Variants in GREB1L observed in about 807,000 individuals in gnomAD.
GREB1L encodes the protein GREB1 like retinoic acid receptor coactivator.
A neutral mutation model predicts 200.8 loss-of-function variants in GREB1L; 17 were observed. The observed-to-expected ratio is 0.08, with a 90% CI of 0.06 to 0.13. The LOEUF (loss-of-function observed/expected upper bound fraction) is 0.13, where lower values mean the gene tolerates loss of function less well. GREB1L is among the 10% of genes least tolerant of loss of function. GREB1L has a pLI of 1.00. For missense variants in GREB1L, 1,657 were observed against 2,367.7 expected (o/e 0.70, Z 6.23); for synonymous variants, 789 against 893.0 (o/e 0.88, Z 2.08).
intron 1 of GREB1L, among the ~76,000 whole-genome samples, chr18:21,308,081 A>G (rs550534839): frequency 6.6e-6 from 1 of 152,354 alleles, no homozygotes; most frequent in South Asian, 2.1e-4. Flanking sequence ...CATCTGATAC[A>G]AATGACTTAC....
chr18:21,250,628 ATC>A (rs1253090193), intron 1 of GREB1L, among the ~76,000 whole-genome samples: 1 of 152,206 alleles, frequency 6.6e-6, no homozygotes, highest in East Asian at 1.9e-4. Flanking sequence ...TTGGTATAAT[ATC>A]TCTCTGTATT....
chr18:21,366,132 C>T lies in GREB1L; in HGVS notation c.-14C>T, dbSNP rs1598699219. 1 of 152,012 alleles carries T rather than the reference C, an allele frequency of 6.6e-6. No individual in the cohort carries two copies. Among genetic ancestry groups the T allele is most frequent in the Non-Finnish European group, 1.5e-5 (1 of 67,996 alleles). 9.4% of individuals were successfully genotyped at this position (152,012 alleles called of 1,614,324 possible). ...TGATTCAAAAATGTTAATAAATAAA[C>T]CAAGGTATTGTACAATTATATATGA... On this transcript the variant is annotated 5_prime_UTR_variant, in exon 2 of 33. Transcript: ENST00000424526.
intron 1 of GREB1L, among the ~76,000 whole-genome samples, chr18:21,303,814 A>G (rs1254853569): frequency 6.6e-6 from 1 of 152,194 alleles, no homozygotes; most frequent in African/African-American, 2.4e-5. Flanking sequence ...ATATAAGGTC[A>G]TACTTATTGG....
At chr18:21,291,505 CTTGG>C (rs1461039670) in intron 1 of GREB1L, among the ~76,000 whole-genome samples, 2 of 152,152 alleles carry the variant, frequency 1.3e-5, no homozygotes, top group Non-Finnish European at 2.9e-5. Context: ...TAGTGCAGTA[CTTGG>C]TTGGCTGAAT....
rs111906534 is a variant in GREB1L at position 21,399,453 on chromosome 18, TTGGATGGA to T, written c.533-1663_533-1656del. On this transcript the variant is annotated intron_variant, in intron 5 of 32. Transcript: ENST00000424526. Reference sequence around the variant, plus strand: ...GTTGGATGGTTGGATGGATGGATGGTTGGATGGATGGATGGATGGATGGATGGATGGAT... The same window carrying T: ...GTTGGATGGTTGGATGGATGGATGGTTGGATGGATGGATGGATGGATGGAT... Among the ~76,000 whole-genome samples the T allele has an allele frequency of 2.5e-4, 36 of 146,194 alleles. 1 individual carries two copies. The South Asian group carries it at 2.7e-3, about 11-fold the overall frequency.
intron 31 of GREB1L, among the ~76,000 whole-genome samples, chr18:21,519,765 T>C (rs1160044827): frequency 1.3e-5 from 2 of 152,214 alleles, no homozygotes; most frequent in Non-Finnish European, 2.9e-5. Context: ...GGCTACTAAA[T>C]GGAGGAACCA....
chr18:21,374,838 TTTTTCC>T (rs1348155192), intron 2 of GREB1L, among the ~76,000 whole-genome samples: 2 of 150,282 alleles, frequency 1.3e-5, no homozygotes, highest in African/African-American at 2.5e-5. Flanking sequence ...AAGGGGAACT[TTTTTCC>T]TTTTCCTTTT....
chr18:21,450,342 C>G (rs2034458720), intron 12 of GREB1L, among the ~76,000 whole-genome samples: 1 of 152,146 alleles, frequency 6.6e-6, no homozygotes, highest in South Asian at 2.1e-4. Context: ...TTGCACTGTG[C>G]AGATTTTCTA....
chr18:21,468,475 ATGAATAT>A (rs1451897664), intron 15 of GREB1L, among the ~76,000 whole-genome samples: 8 of 152,228 alleles, frequency 5.3e-5, no homozygotes, highest in African/African-American at 1.9e-4. Flanking sequence ...GTCCAACTCC[ATGAATAT>A]ATACTAAAAG....
At chr18:21,280,653 T>C (rs991719741) in intron 1 of GREB1L, among the ~76,000 whole-genome samples, 4 of 152,210 alleles carry the variant, frequency 2.6e-5, no homozygotes, top group African/African-American at 9.6e-5. Context: ...AATAAGTGTT[T>C]AAACACTTTT....
At chr18:21,342,539 C>T (rs2039284468) in intron 1 of GREB1L, among the ~76,000 whole-genome samples, 1 of 152,192 alleles carries the variant, frequency 6.6e-6, no homozygotes, top group African/African-American at 2.4e-5. Flanking sequence ...AATGCAGGCT[C>T]TAGCAATGGC....
intron 7 of GREB1L, among the ~76,000 whole-genome samples, chr18:21,438,499 T>G (rs1470657040): frequency 6.6e-6 from 1 of 151,626 alleles, no homozygotes; most frequent in African/African-American, 2.4e-5. Flanking sequence ...ATGCTCTCTC[T>G]TAAAAAAAAA....
chr18:21,425,077 C>A (rs1397310136), intron 7 of GREB1L, among the ~76,000 whole-genome samples: 4 of 152,078 alleles, frequency 2.6e-5, no homozygotes, highest in Non-Finnish European at 5.9e-5. Context: ...TAAGTTGATA[C>A]AAATCAATTT....
At chr18:21,249,835 G>A (rs2037671693) in intron 1 of GREB1L, among the ~76,000 whole-genome samples, 1 of 151,246 alleles carries the variant, frequency 6.6e-6, no homozygotes, top group African/African-American at 2.4e-5. Context: ...ACTCCAGCCT[G>A]GCAACAAGAG....
In GREB1L at chr18:21,513,801, G is replaced by A. The variant is rs1181502319; in HGVS notation, c.4736-20G>A. The A allele has an allele frequency of 1.9e-6, 3 of 1,549,096 alleles. No individual in the cohort carries two copies. In the East Asian group the frequency reaches 7.3e-5, roughly 38 times the overall value. ...GTGAAGGATGTGTGGATATGCAGAT[G>A]TGGTTATGTTGCCTTCCAGGTGCTG... On this transcript the variant is annotated intron_variant, in intron 27 of 32. Transcript: ENST00000424526.
chr18:21,423,601 T>A (rs2032332574), intron 7 of GREB1L, among the ~76,000 whole-genome samples: 1 of 152,244 alleles, frequency 6.6e-6, no homozygotes, highest in African/African-American at 2.4e-5. Context: ...CACTCATGCC[T>A]GTAATCCCGG....
chr18:21,485,549 C>A (rs1350570697), intron 17 of GREB1L, 71 bp from the exon 18 acceptor site: 3 of 1,406,126 alleles, frequency 2.1e-6, no homozygotes, highest in South Asian at 1.4e-5. Context: ...TTTCTGTAAA[C>A]CCCACTTTCT....
At chr18:21,348,442 C>T (rs2039384972) in intron 1 of GREB1L, among the ~76,000 whole-genome samples, 1 of 151,954 alleles carries the variant, frequency 6.6e-6, no homozygotes, top group African/African-American at 2.4e-5. Flanking sequence ...AGTCTGAGAC[C>T]AGCCTGGGTA....
At chr18:21,470,166 C>T (rs913932901) in intron 15 of GREB1L, among the ~76,000 whole-genome samples, 2 of 151,828 alleles carry the variant, frequency 1.3e-5, no homozygotes, top group African/African-American at 4.8e-5. Context: ...CACATGCCTG[C>T]AGGCCCAGCT....
Sources: allele counts gnomAD v4.1 joint callset (sites outside exome capture counted in the v4.1 genomes callset), GRCh38; gene constraint gnomAD v4.1.1; transcripts MANE v1.5; gene names NCBI Gene and HGNC (gene_info 2026-07-23, HGNC 2026-07-21).